Variants in IMMP2L observed in about 807,000 individuals in gnomAD.
IMMP2L encodes mitochondrial inner membrane protease subunit 2.
In IMMP2L, 18 loss-of-function variants were observed where a neutral mutation model predicts 19.3. The observed-to-expected ratio is 0.93, with a 90% CI of 0.64 to 1.38. The LOEUF (loss-of-function observed/expected upper bound fraction) is 1.38, where lower values mean the gene tolerates loss of function less well. Among genes scored for constraint, IMMP2L ranks in the 40% most tolerant of loss-of-function variants. The pLI, the probability that IMMP2L is intolerant of heterozygous loss-of-function variation, is 0.00. For synonymous variants in IMMP2L, 76 were observed against 73.0 expected (o/e 1.04, Z -0.21); for missense variants, 233 against 218.2 (o/e 1.07, Z -0.43).
intron 1 of IMMP2L, among the ~76,000 whole-genome samples, chr7:111,537,884 T>G (rs1848038325): frequency 2.0e-5 from 3 of 151,978 alleles, no homozygotes; most frequent in African/African-American, 7.2e-5. Context: ...CTCCATACAA[T>G]TTCTAGAATA....
intron 3 of IMMP2L, among the ~76,000 whole-genome samples, chr7:110,987,128 A>T (rs1821944978): frequency 6.6e-6 from 1 of 152,194 alleles, no homozygotes; most frequent in Non-Finnish European, 1.5e-5. Flanking sequence ...ATTTACCTAT[A>T]GTATATGGAC....
intron 3 of IMMP2L, among the ~76,000 whole-genome samples, chr7:111,127,745 C>T (rs575527502): frequency 3.9e-5 from 6 of 152,154 alleles, no homozygotes; most frequent in Non-Finnish European, 5.9e-5. Context: ...ACAAATAAAA[C>T]GCTAAAGTTT....
intron 3 of IMMP2L, among the ~76,000 whole-genome samples, chr7:111,304,401 T>C (rs1057276753): frequency 6.6e-6 from 1 of 151,914 alleles, no homozygotes; most frequent in African/African-American, 2.4e-5. Flanking sequence ...GTAAAAATCA[T>C]GCCCCAAATG....
chr7:111,536,946 T>A (rs750262271), intron 1 of IMMP2L, among the ~76,000 whole-genome samples: 2 of 152,074 alleles, frequency 1.3e-5, no homozygotes, highest in Non-Finnish European at 2.9e-5. Flanking sequence ...ACAGCTGACA[T>A]TGAAATTGTC....
intron 3 of IMMP2L, among the ~76,000 whole-genome samples, chr7:111,021,665 C>T (rs1826289161): frequency 6.6e-6 from 1 of 152,268 alleles, no homozygotes; most frequent in Admixed American, 6.5e-5. Context: ...GGAGGATCAC[C>T]TGAGGTCAGG....
At position 110,999,822 on chromosome 7, in the gene IMMP2L, C is replaced by T. The variant is rs528957452; in HGVS notation, c.240-36257G>A. On this transcript the variant is annotated intron_variant, in intron 3 of 5. Transcript: ENST00000405709. ...TGCTGCTGAGAAAGAAGGACTTATT[C>T]CTCACCGAGTCTTTTCCTTGAGTGG... 3.9e-5 allele frequency among the ~76,000 whole-genome samples: 6 copies of T among 152,182 alleles called. No individual in the cohort carries two copies. The South Asian group carries it at 1.0e-3, about 26-fold the overall frequency.
chr7:111,006,115 A>G (rs1824263199), intron 3 of IMMP2L, among the ~76,000 whole-genome samples: 1 of 152,178 alleles, frequency 6.6e-6, no homozygotes, highest in Admixed American at 6.6e-5. Flanking sequence ...AATTATGCTT[A>G]CATCTCCCAT....
chr7:110,852,168 T>C (rs1368039483), intron 5 of IMMP2L, among the ~76,000 whole-genome samples: 1 of 151,770 alleles, frequency 6.6e-6, no homozygotes, highest in East Asian at 1.9e-4. Flanking sequence ...GTGAACAATT[T>C]AGACTGCCAC....
In IMMP2L at chr7:111,361,143, A is replaced by T. The variant is rs1829222017; in HGVS notation, c.239+126095T>A. 2.0e-5 allele frequency among the ~76,000 whole-genome samples: 3 copies of T among 152,092 alleles called. No individual in the cohort carries two copies. In the South Asian group the frequency reaches 6.2e-4, roughly 32 times the overall value. On this transcript the variant is annotated intron_variant, in intron 3 of 5. Coordinates refer to ENST00000405709, the MANE Select transcript of IMMP2L (RefSeq NM_032549.4). ...TAATAGTAAACAATAAACTATATTT[A>T]AATATAGCCAATTTTCTATATGTAC... is the stretch of plus-strand genomic sequence containing the variant.
At chr7:111,357,588 G>GT (rs1828843771) in intron 3 of IMMP2L, among the ~76,000 whole-genome samples, 1 of 151,982 alleles carries the variant, frequency 6.6e-6, no homozygotes, top group Non-Finnish European at 1.5e-5. Flanking sequence ...GAATTAACTT[G>GT]TTTTGTCTGA....
chr7:110,718,039 T>C (rs1238096562), intron 5 of IMMP2L, among the ~76,000 whole-genome samples: 3 of 152,130 alleles, frequency 2.0e-5, no homozygotes, highest in African/African-American at 7.2e-5. Flanking sequence ...ATGGAGGAGA[T>C]GAGTTCTAAA....
rs1178716104 is a variant in IMMP2L, at chr7:110,892,457, C to T, written c.306-5762G>A. On this transcript the variant is annotated intron_variant, in intron 4 of 5. Coordinates refer to ENST00000405709, the MANE Select transcript of IMMP2L (RefSeq NM_032549.4). ...GGTCTGTACTCCGCTGCATGGTGTA[C>T]TTGCTCTGTGACCCAACCCTCCACG... 2.6e-5 allele frequency among the ~76,000 whole-genome samples: 4 copies of T among 152,250 alleles called. No individual in the cohort carries two copies. In the East Asian group the frequency reaches 7.7e-4, roughly 29 times the overall value.
chr7:110,863,574 T>TA (rs1435102705), intron 5 of IMMP2L, among the ~76,000 whole-genome samples: 1 of 152,066 alleles, frequency 6.6e-6, no homozygotes, highest in Admixed American at 6.6e-5. Flanking sequence ...GCTATATCAA[T>TA]ACTCTCTCAA....
chr7:111,521,540 C>T lies in IMMP2L; in HGVS notation c.-2-91G>A, dbSNP rs540647204. 255 of 1,133,388 alleles carry T rather than the reference C, an allele frequency of 2.2e-4. 4 individuals are homozygous for T. In the South Asian group the frequency reaches 4.0e-3, roughly 18 times the overall value. 70.2% of individuals were successfully genotyped at this position (1,133,388 alleles called of 1,614,324 possible). On this transcript the variant is annotated intron_variant, in intron 1 of 5. Coordinates refer to ENST00000405709, the MANE Select transcript of IMMP2L (RefSeq NM_032549.4). ...ACAGTACATGAAAAGTAAGAGTTAC[C>T]GAAGGGCAATCTTGTCTCTTAATAT...
At chr7:110,665,151 T>G (rs1791356267) in intron 5 of IMMP2L, 1 of 152,234 alleles carries the variant, frequency 6.6e-6, no homozygotes, top group Non-Finnish European at 1.5e-5. Flanking sequence ...GGTTCTTTTT[T>G]TTCTTCTACT....
At chr7:111,178,550 T>G (rs1467743134) in intron 3 of IMMP2L, among the ~76,000 whole-genome samples, 1 of 152,096 alleles carries the variant, frequency 6.6e-6, no homozygotes, top group Admixed American at 6.6e-5. Context: ...AGTAGAACTT[T>G]TGAAATTGAA....
At chr7:111,388,570 G>T (rs37673) in intron 3 of IMMP2L, among the ~76,000 whole-genome samples, 13,623 of 151,964 alleles carry the variant, frequency 0.09, 748 homozygotes, top group African/African-American at 0.14. Context: ...ACCCAAAACT[G>T]GGAACAAACA....
At chr7:111,304,631 C>T (rs1429770464) in intron 3 of IMMP2L, among the ~76,000 whole-genome samples, 24 of 140,126 alleles carry the variant, frequency 1.7e-4, no homozygotes, top group African/African-American at 6.4e-4. Flanking sequence ...GGTGTATATA[C>T]ATACATAATG....
intron 5 of IMMP2L, among the ~76,000 whole-genome samples, chr7:110,853,241 G>C (rs530874955): frequency 2.0e-5 from 3 of 151,976 alleles, no homozygotes; most frequent in South Asian, 2.1e-4. Context: ...GGTTTGTTCT[G>C]GTGGGACTTG....
Sources: allele counts gnomAD v4.1 joint callset (sites outside exome capture counted in the v4.1 genomes callset), GRCh38; gene constraint gnomAD v4.1.1; transcripts MANE v1.5; gene names NCBI Gene and HGNC (gene_info 2026-07-23, HGNC 2026-07-21).